Variants in PTPRZ1 observed in about 807,000 individuals in gnomAD.
PTPRZ1 encodes the protein receptor-type tyrosine-protein phosphatase zeta.
A neutral mutation model predicts 214.1 loss-of-function variants in PTPRZ1; 82 were observed. The observed-to-expected ratio is 0.38, with a 90% confidence interval of 0.32 to 0.46. PTPRZ1 has a LOEUF of 0.46. Among genes scored for constraint, PTPRZ1 ranks in the 20% least tolerant of loss-of-function variants. PTPRZ1 has a pLI of 1.00. For synonymous variants in PTPRZ1, 945 were observed against 987.9 expected (o/e 0.96, Z 0.81); for missense variants, 2,603 against 2,748.7 (o/e 0.95, Z 1.19).
At chr7:121,893,087 G>GAGAGAGAGGA (rs1243913401) in intron 1 of PTPRZ1, among the ~76,000 whole-genome samples, 1 of 152,026 alleles carries the variant, frequency 6.6e-6, no homozygotes, top group Non-Finnish European at 1.5e-5. Context: ...GAGGGAGGGG[G>GAGAGAGAGGA]AGAGAGAGGA....
chr7:121,933,280 T>C (rs1192471635), intron 2 of PTPRZ1, among the ~76,000 whole-genome samples: 1 of 152,050 alleles, frequency 6.6e-6, no homozygotes, highest in Non-Finnish European at 1.5e-5. Context: ...GATTGCAACC[T>C]CAAGCAATGA....
At chr7:121,880,193 A>T (rs1318207745) in intron 1 of PTPRZ1, among the ~76,000 whole-genome samples, 1 of 152,196 alleles carries the variant, frequency 6.6e-6, no homozygotes, top group Non-Finnish European at 1.5e-5. Flanking sequence ...AAGTAAACTC[A>T]GTTATTTTGG....
At chr7:121,954,392 A>G (rs1261762186) in intron 2 of PTPRZ1, among the ~76,000 whole-genome samples, 1 of 152,078 alleles carries the variant, frequency 6.6e-6, no homozygotes, top group Non-Finnish European at 1.5e-5. Context: ...ACCTCCTACT[A>G]TTCTTCCCAA....
chr7:121,933,437 T>C (rs996824404), intron 2 of PTPRZ1, among the ~76,000 whole-genome samples: 3 of 152,172 alleles, frequency 2.0e-5, no homozygotes, highest in African/African-American at 7.2e-5. Flanking sequence ...GAAAATTTTA[T>C]ATTGATATGT....
rs765384920 is a variant in PTPRZ1 at position 122,011,801 on chromosome 7, G to A, written c.2755G>A (p.Ala919Thr). ...ACCCAGCAGTGATGCCATGATGCAT[G>A]CACGTTCTTCAGGGCCTGAACCTTC... The part of the protein sequence containing the change: ...EPPSSDAMMH[A>T]RSSGPEPSYA... Residue 919 changes from alanine (A) to threonine (T), a missense_variant, in exon 12 of 30, where the codon GCA becomes ACA. Transcript: ENST00000393386. 1.9e-6 allele frequency: 3 copies of A among 1,614,086 alleles called. No individual in the cohort carries two copies. Among genetic ancestry groups the A allele is most frequent in the Admixed American group, 3.3e-5 (2 of 60,020 alleles).
At chr7:122,039,872 C>T (rs1001755182) in intron 20 of PTPRZ1, among the ~76,000 whole-genome samples, 1 of 151,608 alleles carries the variant, frequency 6.6e-6, no homozygotes, top group African/African-American at 2.4e-5. Flanking sequence ...GTGGTGCACA[C>T]TTGGGAGGCT....
intron 2 of PTPRZ1, among the ~76,000 whole-genome samples, chr7:121,936,190 A>G (rs1355725362): frequency 6.6e-6 from 1 of 152,188 alleles, no homozygotes; most frequent in Non-Finnish European, 1.5e-5. Flanking sequence ...GAGCAAAAAG[A>G]TAAAAAATCA....
At chr7:121,958,799 A>C (rs895433636) in intron 2 of PTPRZ1, among the ~76,000 whole-genome samples, 20 of 152,088 alleles carry the variant, frequency 1.3e-4, no homozygotes, top group African/African-American at 4.8e-4. Flanking sequence ...GAACATTCCT[A>C]ACCTTCAAAA....
chr7:121,937,673 G>A (rs763714897), intron 2 of PTPRZ1, among the ~76,000 whole-genome samples: 2 of 152,178 alleles, frequency 1.3e-5, no homozygotes, highest in Non-Finnish European at 2.9e-5. Flanking sequence ...GGAAGAAGCA[G>A]CAACCTTCAA....
chr7:121,931,800 T>C (rs917289962), intron 2 of PTPRZ1, among the ~76,000 whole-genome samples: 4 of 152,120 alleles, frequency 2.6e-5, no homozygotes, highest in African/African-American at 9.7e-5. Flanking sequence ...GAAGAAACAA[T>C]GTGTAGTTCT....
At chr7:121,952,584 C>CA (rs948013787) in intron 2 of PTPRZ1, among the ~76,000 whole-genome samples, 48 of 148,792 alleles carry the variant, frequency 3.2e-4, no homozygotes, top group African/African-American at 1.1e-3. Context: ...AGCACTGTCT[C>CA]AAAAAAAAGA....
At position 122,011,452 on chromosome 7, in the gene PTPRZ1, T is replaced by G; in HGVS notation, c.2406T>G (p.Ser802Arg). The change falls in exon 12 of 30, where the codon AGT becomes AGG. Residue 802 changes from serine (S) to arginine (R), a missense_variant. Transcript: ENST00000393386. The part of the protein sequence containing the change: ...SALHATPVFP[S>R]VDVSFESILS... ...TGCATGCTACGCCTGTATTTCCCAG[T>G]GTCGATGTGTCATTTGAATCCATCC... 6.2e-7 allele frequency: 1 copy of G among 1,614,134 alleles called. No homozygotes were observed.
intron 7 of PTPRZ1, 60 bp downstream of exon 7, chr7:121,983,882 C>T: frequency 6.3e-7 from 1 of 1,588,328 alleles, no homozygotes; most frequent in Non-Finnish European, 8.6e-7. Context: ...ACATTATGTT[C>T]TAAGTTTGCT....
intron 2 of PTPRZ1, among the ~76,000 whole-genome samples, chr7:121,935,265 TA>T (rs1211369024): frequency 1.3e-5 from 2 of 151,546 alleles, no homozygotes; most frequent in East Asian, 1.9e-4. Context: ...TCTCCCCTAT[TA>T]AAAAAAAAGT....
chr7:121,939,480 T>G (rs181351679), intron 2 of PTPRZ1, among the ~76,000 whole-genome samples: 3 of 152,234 alleles, frequency 2.0e-5, no homozygotes, highest in Non-Finnish European at 2.9e-5. Context: ...ATAAATGACA[T>G]GTAGTTTTTC....
At chr7:122,044,725 A>G (rs1415029288) in intron 23 of PTPRZ1, among the ~76,000 whole-genome samples, 157 bp downstream of exon 23, 3 of 152,198 alleles carry the variant, frequency 2.0e-5, no homozygotes, top group East Asian at 1.9e-4. Context: ...ACAGTGCCAC[A>G]TGGTAAATTT....
At chr7:121,986,763 G>A (rs1797773088) in intron 8 of PTPRZ1, among the ~76,000 whole-genome samples, 1 of 152,104 alleles carries the variant, frequency 6.6e-6, no homozygotes, top group Admixed American at 6.5e-5. Context: ...ACTCAAAATA[G>A]ACTCACTCAT....
At chr7:122,002,812 G>T (rs748174355) in intron 10 of PTPRZ1, among the ~76,000 whole-genome samples, 2 of 152,252 alleles carry the variant, frequency 1.3e-5, no homozygotes, top group Middle Eastern at 3.4e-3. Context: ...CAGAGGAAAA[G>T]CCTACAGTAT....
intron 2 of PTPRZ1, among the ~76,000 whole-genome samples, chr7:121,966,355 T>C (rs1419810812): frequency 1.3e-5 from 2 of 152,216 alleles, no homozygotes; most frequent in African/African-American, 2.4e-5. Context: ...GAATTTATTA[T>C]ATTGTATTAA....
Sources: allele counts gnomAD v4.1 joint callset (sites outside exome capture counted in the v4.1 genomes callset), GRCh38; gene constraint gnomAD v4.1.1; transcripts MANE v1.5; gene names NCBI Gene and HGNC (gene_info 2026-07-23, HGNC 2026-07-21).